The following TUBGCP2 variants were observed in gnomAD, a reference collection of about 807,000 sequenced individuals.
TUBGCP2 encodes gamma-tubulin complex component 2.
A neutral mutation model predicts 92.2 loss-of-function variants in TUBGCP2; 55 were observed. The observed-to-expected ratio is 0.60, with a 90% CI of 0.48 to 0.75. The LOEUF (loss-of-function observed/expected upper bound fraction) is 0.75. TUBGCP2 is among the 30% of genes least tolerant of loss of function. The probability of loss-of-function intolerance (pLI) is 0.00; values close to 1 mark genes in which losing one functional copy is unlikely to be tolerated. For missense variants in TUBGCP2, 1,093 were observed against 1,188.9 expected, an observed-to-expected ratio of 0.92 and a Z score of 1.19; for synonymous variants, 533 against 505.2, an observed-to-expected ratio of 1.06 and a Z score of -0.74.
chr10:133,299,913 G>T, intron 3 of TUBGCP2, 72 bp downstream of exon 3: 1 of 1,579,978 alleles, frequency 6.3e-7, no homozygotes, highest in South Asian at 1.1e-5. Flanking sequence ...GGCGTGGAGT[G>T]AGCAGGAGAC....
intron 8 of TUBGCP2, chr10:133,291,133 C>T (rs889956449): frequency 2.9e-5 from 10 of 347,608 alleles, no homozygotes; most frequent in African/African-American, 9.1e-5. Flanking sequence ...CTGGGCCATT[C>T]CTGCCCTGGG....
chr10:133,302,431 CTGCACCA>C (rs1847688577), intron 2 of TUBGCP2: 1 of 297,670 alleles, frequency 3.4e-6, no homozygotes, highest in East Asian at 7.9e-5. Flanking sequence ...ACCCTGCACC[CTGCACCA>C]GAGGTGGCGC....
At chr10:133,301,557 T>C (rs1020964436) in intron 2 of TUBGCP2, 3 of 152,336 alleles carry the variant, frequency 2.0e-5, no homozygotes, top group East Asian at 1.9e-4. Context: ...TTTAAATAAC[T>C]GAAGCTTCAT....
At position 133,279,266 on chromosome 10, in the gene TUBGCP2, GC is replaced by G. The variant is rs1846903017; in HGVS notation, c.*499del. The G allele has an allele frequency of 1.9e-5, 3 of 155,046 alleles. No individual in the cohort carries two copies. In the South Asian group the frequency reaches 5.3e-4, roughly 27 times the overall value. 9.6% of individuals were successfully genotyped at this position (155,046 alleles called of 1,614,324 possible). A position where few individuals can be genotyped will look rare whatever the true frequency, so the allele number is the denominator to read the frequency against. Reference sequence around the variant, plus strand: ...CAGCAGCAGGAGGAGGGTCGTGGAGGCGGGTGAGTCCTCAGGAGAAGGAACG... The same window carrying G: ...CAGCAGCAGGAGGAGGGTCGTGGAGGGGGTGAGTCCTCAGGAGAAGGAACG... On this transcript the variant is annotated 3_prime_UTR_variant, in exon 18 of 18. Transcript: ENST00000252936.
intron 2 of TUBGCP2, chr10:133,302,365 ACAG>A (rs1847684493): frequency 1.4e-5 from 2 of 147,318 alleles, no homozygotes; most frequent in African/African-American, 5.1e-5. Context: ...TGCACCCCGC[ACAG>A]CCCTGCACCA....
intron 7 of TUBGCP2, 137 bp from the exon 8 acceptor site, chr10:133,292,825 G>T: frequency 2.5e-6 from 3 of 1,205,064 alleles, no homozygotes; most frequent in Non-Finnish European, 3.4e-6. Context: ...CGTATTAACT[G>T]TAAGGTTGTA....
Position 133,302,955 on chromosome 10 carries a change from A to G in TUBGCP2, c.-14T>C. ...AAATTCACTCATAGTTTTAGCTCTG[A>G]GGCACGAACATCACAATATGTTCTC... On this transcript the variant is annotated 5_prime_UTR_variant, in exon 2 of 18. Transcript: ENST00000252936. The G allele has an allele frequency of 1.2e-6, 2 of 1,614,012 alleles. No individual in the cohort carries two copies. The highest frequency in any genetic ancestry group is 8.5e-7 in the Non-Finnish European group (1 of 1,179,954).
In TUBGCP2 at chr10:133,288,116, C is replaced by T; in HGVS notation, c.1722+13G>A. 1 of 1,604,222 alleles carries T rather than the reference C, an allele frequency of 6.2e-7. No individual in the cohort carries two copies. Among genetic ancestry groups the T allele is most frequent in the Non-Finnish European group, 8.5e-7 (1 of 1,173,374 alleles). On this transcript the variant is annotated intron_variant, in intron 11 of 17. Coordinates refer to ENST00000252936, the MANE Select transcript of TUBGCP2 (RefSeq NM_006659.4). ...CTCTGCCACAGGGGACAGCCCCCGG[C>T]ACCCCCACCCACCTTGAGGTCGTCC...
upstream of TUBGCP2, chr10:133,309,310 G>T: frequency 1.3e-6 from 2 of 1,519,176 alleles, no homozygotes; most frequent in Non-Finnish European, 1.8e-6. Flanking sequence ...GATGACTGGG[G>T]CCACGGGTGT....
In TUBGCP2 at chr10:133,284,245, C is replaced by T. The variant is rs186432098; in HGVS notation, c.2025-243G>A. ...GCAGGGACACCCCCAGCCAGCTGGACGGTGGAGACTGGGACGCGGGCTCCT... is the reference window on the plus strand; with the variant it reads ...GCAGGGACACCCCCAGCCAGCTGGATGGTGGAGACTGGGACGCGGGCTCCT... On this transcript the variant is annotated intron_variant, in intron 13 of 17. Transcript: ENST00000252936. Among the ~76,000 whole-genome samples the T allele has an allele frequency of 3.3e-5, 5 of 152,358 alleles. No individual in the cohort carries two copies. In the East Asian group the frequency reaches 5.8e-4, roughly 18 times the overall value.
intron 9 of TUBGCP2, 103 bp from the exon 10 acceptor site, chr10:133,289,123 T>C: frequency 7.6e-7 from 1 of 1,314,290 alleles, no homozygotes; most frequent in East Asian, 2.4e-5. Context: ...TTGAATGGGC[T>C]CTCCACACGG....
Position 133,292,608 on chromosome 10 carries a change from C to T in TUBGCP2, c.1105G>A (p.Asp369Asn). The T allele has an allele frequency of 1.2e-6, 2 of 1,614,190 alleles. No homozygotes were observed. Among genetic ancestry groups the T allele is most frequent in the Non-Finnish European group, 1.7e-6 (2 of 1,180,026 alleles). Residue 369 changes from aspartate to asparagine, a missense_variant, in exon 8 of 18, where the codon GAC (aspartate) becomes AAC (asparagine). This residue lies in a region of TUBGCP2 where 490 missense variants were observed against 488.5 expected (regional missense o/e 1.00). Coordinates refer to ENST00000252936, the MANE Select transcript of TUBGCP2 (RefSeq NM_006659.4). ...LHDRSFSYTG[D>N]SQAQELCLYL... is the part of the protein sequence containing the mutation. ...AGGCATAGCTCCTGCGCCTGGCTGT[C>T]CCCTGTGTAGCTGAAGCTCCTGTCG... is the stretch of plus-strand genomic sequence containing the variant.
Position 133,285,038 on chromosome 10 carries a change from G to C in TUBGCP2, c.2024+47C>G. 1 of 1,559,944 alleles carries C rather than the reference G, an allele frequency of 6.4e-7. No homozygotes were observed. Among genetic ancestry groups the C allele is most frequent in the East Asian group, 2.3e-5 (1 of 44,248 alleles). On this transcript the variant is annotated intron_variant, in intron 13 of 17. Transcript: ENST00000252936. The surrounding 1 kb of genome is among the most constrained non-coding windows in gnomAD (Gnocchi z 6.8). ...GCGCTGCACCACTGGGCAGAGTGCA[G>C]CGAGCGCTGCTTCAGGAGGGCATGC...
At chr10:133,280,013 C>T (rs903069849) in intron 17 of TUBGCP2, 112 bp from the exon 18 acceptor site, 15 of 1,482,648 alleles carry the variant, frequency 1.0e-5, no homozygotes, top group East Asian at 2.5e-5. Context: ...TCTGCGGGTG[C>T]GTGCTGGGCA....
At chr10:133,281,642 G>A in intron 16 of TUBGCP2, 2 of 652,314 alleles carry the variant, frequency 3.1e-6, no homozygotes, top group South Asian at 4.1e-5. Flanking sequence ...AAACACTCCA[G>A]GCCTCGTGGG....
chr10:133,290,036 C>T, intron 8 of TUBGCP2, 67 bp from the exon 9 acceptor site: 1 of 1,589,982 alleles, frequency 6.3e-7, no homozygotes, highest in Non-Finnish European at 8.6e-7. Flanking sequence ...GACACTTCTC[C>T]AGGCCGGCAG....
Position 133,288,252 on chromosome 10 carries a change from G to A in TUBGCP2, c.1599C>T (p.Asp533=). 6.2e-7 allele frequency: 1 copy of A among 1,613,748 alleles called. No individual in the cohort carries two copies. Among genetic ancestry groups the A allele is most frequent in the Non-Finnish European group, 8.5e-7 (1 of 1,179,948 alleles). The change falls in exon 11 of 18, where the codon GAC becomes GAT. Residue 533 remains aspartate (D), a synonymous_variant. Transcript: ENST00000252936. The part of the protein sequence containing the change: ...DQGDFFVHFM[D]LAEEELRKPV... Reference sequence around the variant, plus strand: ...GCTTCCGGAGCTCCTCCTCCGCGAGGTCCATGAAGTGCACGAAGAAGTCGC... The same window carrying A: ...GCTTCCGGAGCTCCTCCTCCGCGAGATCCATGAAGTGCACGAAGAAGTCGC...
chr10:133,303,771 G>A (rs1404002885), intron 1 of TUBGCP2, among the ~76,000 whole-genome samples: 3 of 152,052 alleles, frequency 2.0e-5, no homozygotes, highest in African/African-American at 7.2e-5. Context: ...GACGCTTCTG[G>A]TAGGACTTCT....
intron 1 of TUBGCP2, 119 bp from the exon 2 acceptor site, chr10:133,303,099 C>T: frequency 1.0e-6 from 1 of 956,070 alleles, no homozygotes; most frequent in Non-Finnish European, 1.5e-6. Flanking sequence ...ACCTGGCCTG[C>T]CTGGCCTAGG....
Sources: allele counts gnomAD v4.1 joint callset (sites outside exome capture counted in the v4.1 genomes callset), GRCh38; gene constraint gnomAD v4.1.1; regional missense constraint gnomAD v4.1.1; non-coding constraint Gnocchi (gnomAD v3.1); transcripts MANE v1.5; gene names NCBI Gene and HGNC (gene_info 2026-07-23, HGNC 2026-07-21).